CSMD1: variants seen among roughly 807,000 people sequenced by gnomAD.
CSMD1 encodes CUB and Sushi multiple domains 1.
In CSMD1, 213 loss-of-function variants were observed where a neutral mutation model predicts 417.5. The observed-to-expected ratio is 0.51, with a 90% CI of 0.46 to 0.57. CSMD1 has a LOEUF of 0.57. CSMD1 is among the 20% of genes least tolerant of loss of function. CSMD1 has a pLI of 0.00. For synonymous variants in CSMD1, 2,862 were observed against 1,736.8 expected (o/e 1.65, Z -16.11); for missense variants, 6,923 against 4,529.7 (o/e 1.53, Z -15.17).
intron 1 of CSMD1, among the ~76,000 whole-genome samples, chr8:4,899,054 A>T (rs7835911): frequency 0.29 from 44,659 of 152,106 alleles, 6,894 homozygotes; most frequent in Non-Finnish European, 0.34. Context: ...CAGCTTGATC[A>T]TTTAAAATGT....
intron 26 of CSMD1, among the ~76,000 whole-genome samples, chr8:3,261,443 T>G (rs1392082136): frequency 6.6e-6 from 1 of 151,988 alleles, no homozygotes; most frequent in Non-Finnish European, 1.5e-5. Context: ...TGCGCCAAAA[T>G]CCTACAAATC....
chr8:3,154,377 G>A (rs892893838), intron 39 of CSMD1, among the ~76,000 whole-genome samples: 1 of 152,178 alleles, frequency 6.6e-6, no homozygotes, highest in African/African-American at 2.4e-5. Context: ...CCTCCTGCCT[G>A]GGAAGCTCCC....
At chr8:3,685,605 T>C (rs1389985644) in intron 7 of CSMD1, among the ~76,000 whole-genome samples, 1 of 152,166 alleles carries the variant, frequency 6.6e-6, no homozygotes, top group Non-Finnish European at 1.5e-5. Flanking sequence ...TGCCTGGATA[T>C]GGTGATCTGG....
intron 17 of CSMD1, among the ~76,000 whole-genome samples, chr8:3,391,221 C>A (rs1811326876): frequency 2.0e-5 from 3 of 152,278 alleles, no homozygotes; most frequent in South Asian, 4.1e-4. Flanking sequence ...TAAATATACT[C>A]CTTTATCACA....
At chr8:3,100,555 G>A (rs986566503) in intron 46 of CSMD1, among the ~76,000 whole-genome samples, 1 of 152,114 alleles carries the variant, frequency 6.6e-6, no homozygotes, top group African/African-American at 2.4e-5. Flanking sequence ...TCTCCACTTG[G>A]GAATCTGGGA....
intron 1 of CSMD1, among the ~76,000 whole-genome samples, chr8:4,657,648 G>C (rs1348596340): frequency 6.7e-6 from 1 of 150,350 alleles, no homozygotes; most frequent in Non-Finnish European, 1.5e-5. Context: ...ATGTATAATA[G>C]TAAACATGGC....
intron 26 of CSMD1, among the ~76,000 whole-genome samples, chr8:3,256,676 G>C (rs560417790): frequency 6.6e-6 from 1 of 152,248 alleles, no homozygotes; most frequent in African/African-American, 2.4e-5. Context: ...TCCAGAACTG[G>C]ATCCTGCAGC....
intron 5 of CSMD1, among the ~76,000 whole-genome samples, chr8:3,926,053 T>TAC (rs35557551): frequency 0.081 from 7,132 of 87,894 alleles, 464 homozygotes; most frequent in African/African-American, 0.091. Flanking sequence ...AAACACCATA[T>TAC]ACACACACAC....
At chr8:3,949,218 ATCT>A (rs928467415) in intron 5 of CSMD1, among the ~76,000 whole-genome samples, 7 of 152,302 alleles carry the variant, frequency 4.6e-5, no homozygotes, top group African/African-American at 1.7e-4. Context: ...AACCCTTAAA[ATCT>A]TCTGTTAGCA....
In CSMD1 at chr8:4,348,847, G is replaced by A. The variant is rs577992129; in HGVS notation, c.415+71106C>T. The stretch of plus-strand genomic sequence containing the variant: ...TTAAATCAATAAGCTTTTAAGGTAC[G>A]AACATGCTCTTAGTTCATCTACATG... On this transcript the variant is annotated intron_variant, in intron 3 of 69. Coordinates refer to ENST00000635120, the MANE Select transcript of CSMD1 (RefSeq NM_033225.6). Among the ~76,000 whole-genome samples, 7 of 152,152 alleles carry A rather than the reference G, an allele frequency of 4.6e-5. No individual in the cohort carries two copies. In the South Asian group the frequency reaches 1.0e-3, roughly 23 times the overall value.
intron 5 of CSMD1, among the ~76,000 whole-genome samples, chr8:3,980,700 A>C (rs1813792013): frequency 6.6e-6 from 1 of 152,200 alleles, no homozygotes. Flanking sequence ...GAGAATTTAA[A>C]AGAACGATGT....
intron 3 of CSMD1, among the ~76,000 whole-genome samples, chr8:4,382,450 A>C (rs2128919401): frequency 6.6e-6 from 1 of 152,306 alleles, no homozygotes; most frequent in African/African-American, 2.4e-5. Flanking sequence ...TGGCCTTGTT[A>C]CTTTATAATA....
chr8:3,741,079 G>C (rs1215514592), intron 6 of CSMD1, among the ~76,000 whole-genome samples: 1 of 152,040 alleles, frequency 6.6e-6, no homozygotes, highest in African/African-American at 2.4e-5. Flanking sequence ...GCCAGGTGTG[G>C]TGATAGGTGC....
At chr8:3,298,862 C>G (rs1274701217) in intron 25 of CSMD1, among the ~76,000 whole-genome samples, 1 of 152,126 alleles carries the variant, frequency 6.6e-6, no homozygotes, top group Admixed American at 6.5e-5. Flanking sequence ...TATCCTGAGT[C>G]CAGATAATTT....
chr8:3,918,415 G>C (rs1422009220), intron 5 of CSMD1, among the ~76,000 whole-genome samples: 1 of 151,924 alleles, frequency 6.6e-6, no homozygotes, highest in African/African-American at 2.4e-5. Flanking sequence ...ATATTCTTGT[G>C]GTTTTGATTT....
chr8:3,136,027 G>C (rs911224786), intron 41 of CSMD1, among the ~76,000 whole-genome samples: 4 of 152,066 alleles, frequency 2.6e-5, no homozygotes, highest in African/African-American at 4.8e-5. Context: ...TCCTAAACTA[G>C]TTTCATTCAG....
At chr8:3,680,775 T>G (rs1354858246) in intron 7 of CSMD1, among the ~76,000 whole-genome samples, 1 of 152,094 alleles carries the variant, frequency 6.6e-6, no homozygotes, top group Non-Finnish European at 1.5e-5. Context: ...TGAACATTGA[T>G]GCAAAAATTC....
chr8:3,090,708 G>A (rs367971178), intron 48 of CSMD1, among the ~76,000 whole-genome samples: 21 of 152,112 alleles, frequency 1.4e-4, no homozygotes, highest in Admixed American at 5.9e-4. Context: ...CATCTTTCAC[G>A]GGAAAACATA....
intron 1 of CSMD1, among the ~76,000 whole-genome samples, chr8:4,762,968 G>A (rs981123695): frequency 1.3e-5 from 2 of 152,096 alleles, no homozygotes; most frequent in Non-Finnish European, 2.9e-5. Flanking sequence ...AATATCTGGT[G>A]GCGTGTGGGA....
Sources: allele counts gnomAD v4.1 joint callset (sites outside exome capture counted in the v4.1 genomes callset), GRCh38; gene constraint gnomAD v4.1.1; transcripts MANE v1.5; gene names NCBI Gene and HGNC (gene_info 2026-07-23, HGNC 2026-07-21).